Variants in CCDC73 observed in about 807,000 individuals in gnomAD.
The protein encoded by CCDC73 is coiled-coil domain-containing protein 73.
Under a neutral mutation model 116.5 loss-of-function variants are expected in CCDC73, and 95 were observed. The observed-to-expected ratio is 0.82, with a 90% CI of 0.69 to 0.97. The LOEUF (loss-of-function observed/expected upper bound fraction) is 0.97, where lower values mean the gene tolerates loss of function less well. CCDC73 is among the 50% of genes least tolerant of loss of function. The pLI, the probability that CCDC73 is intolerant of heterozygous loss-of-function variation, is 0.00. For synonymous variants in CCDC73, 398 were observed against 401.3 expected (o/e 0.99, Z 0.10); for missense variants, 1,066 against 1,206.8 (o/e 0.88, Z 1.73).
At chr11:32,733,219 C>T (rs1850095860) in intron 2 of CCDC73, among the ~76,000 whole-genome samples, 4 of 152,208 alleles carry the variant, frequency 2.6e-5, no homozygotes, top group Non-Finnish European at 5.9e-5. Context: ...GAAGAGCTAA[C>T]TATCCTAAAT....
chr11:32,655,073 A>G (rs1168161602), intron 9 of CCDC73, 101 bp from the exon 10 acceptor site: 2 of 148,634 alleles, frequency 1.3e-5, no homozygotes, highest in Non-Finnish European at 2.2e-5. Context: ...GCCTATAATT[A>G]TAATTTGTTA....
At chr11:32,642,382 T>C (rs1177305897) in intron 12 of CCDC73, among the ~76,000 whole-genome samples, 1 of 152,038 alleles carries the variant, frequency 6.6e-6, no homozygotes, top group Non-Finnish European at 1.5e-5. Flanking sequence ...AGTACAGCAC[T>C]GAAAAGTATG....
chr11:32,693,992 T>G (rs1376942260), intron 6 of CCDC73, among the ~76,000 whole-genome samples: 2 of 152,242 alleles, frequency 1.3e-5, no homozygotes, highest in Non-Finnish European at 2.9e-5. Context: ...GCATTCCCTT[T>G]GAAAACTGGC....
the CCDC73 span, among the ~76,000 whole-genome samples, chr11:32,809,013 TTATTA>T: frequency 6.6e-6 from 1 of 152,244 alleles, no homozygotes; most frequent in African/African-American, 2.4e-5. Context: ...CATTTTAACC[TTATTA>T]ATTAGGCCCA....
At chr11:32,678,624 G>A (rs755209475) in intron 7 of CCDC73, among the ~76,000 whole-genome samples, 21 of 152,086 alleles carry the variant, frequency 1.4e-4, no homozygotes, top group East Asian at 3.9e-4. Context: ...GGTGGCTCAC[G>A]TCTGTAATCC....
chr11:32,720,393 T>G (rs566788504), intron 2 of CCDC73, among the ~76,000 whole-genome samples: 38 of 152,288 alleles, frequency 2.5e-4, no homozygotes, highest in African/African-American at 9.1e-4. Flanking sequence ...TAAAGAACAC[T>G]TACAAAAACC....
chr11:32,646,588 G>C (rs146284404), intron 12 of CCDC73, among the ~76,000 whole-genome samples: 42 of 152,216 alleles, frequency 2.8e-4, no homozygotes, highest in African/African-American at 9.4e-4. Context: ...CTGAAACCTT[G>C]TGTTACCACT....
At chr11:32,641,005 G>C (rs185537485) in intron 13 of CCDC73, among the ~76,000 whole-genome samples, 1,528 of 143,124 alleles carry the variant, frequency 0.011, 24 homozygotes, top group African/African-American at 0.037. Flanking sequence ...GACAGAGTGA[G>C]ACTCTGTCCC....
chr11:32,678,665 C>A (rs1856114122), intron 7 of CCDC73, among the ~76,000 whole-genome samples: 1 of 151,954 alleles, frequency 6.6e-6, no homozygotes, highest in Admixed American at 6.6e-5. Flanking sequence ...GTGGACGGAT[C>A]ACAAGGTCAG....
chr11:32,740,118 A>G (rs1356275403), intron 2 of CCDC73, among the ~76,000 whole-genome samples: 2 of 150,812 alleles, frequency 1.3e-5, no homozygotes, highest in Non-Finnish European at 3.0e-5. Context: ...TGTTCATCAG[A>G]GATATTAGCC....
At position 32,611,195 on chromosome 11, in the gene CCDC73, T is replaced by C; in HGVS notation, c.2967A>G (p.Glu989=). 6.2e-7 allele frequency: 1 copy of C among 1,613,742 alleles called. No homozygotes were observed. Among genetic ancestry groups the C allele is most frequent in the Middle Eastern group, 1.7e-4 (1 of 6,058 alleles). The change falls in exon 17 of 18, where the codon GAA becomes GAG. Residue 989 remains glutamate, a synonymous_variant. Coordinates refer to ENST00000335185, the MANE Select transcript of CCDC73 (RefSeq NM_001008391.4). ...CCATTGCATTCTTCTCTTCACTGGG[T>C]TCTCCCTTGGGATCTGGATGGATAC... ...NWSIHPDPKG[E]PSEEKNAMAK... is the part of the protein sequence containing the mutation.
intron 3 of CCDC73, among the ~76,000 whole-genome samples, chr11:32,703,677 T>C (rs964402316): frequency 1.3e-5 from 2 of 152,166 alleles, no homozygotes; most frequent in Non-Finnish European, 2.9e-5. Context: ...TGGCAACATA[T>C]ACACCTTTAA....
chr11:32,725,077 C>A (rs117396761), intron 2 of CCDC73, among the ~76,000 whole-genome samples: 4,528 of 151,596 alleles, frequency 0.03, 87 homozygotes, highest in Non-Finnish European at 0.039. Flanking sequence ...AATTACTATA[C>A]AGTTAAGTAG....
chr11:32,769,925 G>A (rs543855762), intron 1 of CCDC73, among the ~76,000 whole-genome samples: 1 of 152,120 alleles, frequency 6.6e-6, no homozygotes, highest in Non-Finnish European at 1.5e-5. Flanking sequence ...ACCTCCCAAA[G>A]CCAGTGGCAT....
intron 3 of CCDC73, among the ~76,000 whole-genome samples, chr11:32,713,689 C>CT (rs1263842096): frequency 3.9e-5 from 6 of 152,024 alleles, no homozygotes; most frequent in Admixed American, 3.9e-4. Context: ...AGGACAGACA[C>CT]TTGGTGGCAC....
At chr11:32,629,611 G>T (rs1057237871) in intron 14 of CCDC73, among the ~76,000 whole-genome samples, 1 of 151,932 alleles carries the variant, frequency 6.6e-6, no homozygotes, top group Non-Finnish European at 1.5e-5. Context: ...TGTTAGCCAG[G>T]ATGGTCTCGA....
At chr11:32,658,731 A>G (rs2133267451) in intron 9 of CCDC73, among the ~76,000 whole-genome samples, 1 of 152,326 alleles carries the variant, frequency 6.6e-6, no homozygotes, top group East Asian at 1.9e-4. Flanking sequence ...TGAGATGATG[A>G]GTGTCTATAG....
rs1296646621 is a variant in CCDC73, at chr11:32,702,945, C to A, written c.208-1G>T. On this transcript the variant is annotated splice_acceptor_variant, in intron 3 of 17. Coordinates refer to ENST00000335185, the MANE Select transcript of CCDC73 (RefSeq NM_001008391.4). LOFTEE classifies it high-confidence loss of function. ...TTTCCTTTTGATTCTGAAGAGTTTCCTGTTTTAAAAATTATGACAAGTTAA... is the reference window on the plus strand; with the variant it reads ...TTTCCTTTTGATTCTGAAGAGTTTCATGTTTTAAAAATTATGACAAGTTAA... 6.2e-7 allele frequency: 1 copy of A among 1,607,900 alleles called. No homozygotes were observed. Among genetic ancestry groups the A allele is most frequent in the Non-Finnish European group, 8.5e-7 (1 of 1,174,562 alleles).
chr11:32,791,898 G>C (rs1199475720), intron 1 of CCDC73, among the ~76,000 whole-genome samples: 1 of 151,968 alleles, frequency 6.6e-6, no homozygotes, highest in Non-Finnish European at 1.5e-5. Flanking sequence ...CCAGGAGGTG[G>C]AGGCTGCAGT....
Sources: gnomAD v4.1 joint callset for allele counts (sites outside exome capture counted in the v4.1 genomes callset) on GRCh38, gnomAD v4.1.1 for gene constraint, MANE v1.5 for transcripts, NCBI Gene and HGNC (gene_info 2026-07-23, HGNC 2026-07-21) for gene names.